TEC: variants seen among roughly 807,000 people sequenced by gnomAD.
TEC encodes the protein tec protein tyrosine kinase, also known as tyrosine-protein kinase Tec.
In TEC, 72 loss-of-function variants were observed where a neutral mutation model predicts 93.0. The observed-to-expected ratio is 0.77, with a 90% CI of 0.64 to 0.94. The LOEUF is 0.94. Among genes scored for constraint, TEC ranks in the 40% least tolerant of loss-of-function variants. TEC has a pLI of 0.00. For synonymous variants in TEC, 249 were observed against 247.7 expected (o/e 1.01, Z -0.05); for missense variants, 630 against 757.9 (o/e 0.83, Z 1.98).
At chr4:48,163,567 A>G (rs1447256279) in intron 8 of TEC, 135 bp downstream of exon 8, 1 of 599,418 alleles carries the variant, frequency 1.7e-6, no homozygotes, top group Non-Finnish European at 2.9e-6. Flanking sequence ...CACATCAGGC[A>G]ATTGAGTTAA....
chr4:48,194,285 A>G (rs919410025), intron 2 of TEC, among the ~76,000 whole-genome samples: 2 of 152,240 alleles, frequency 1.3e-5, no homozygotes, highest in African/African-American at 4.8e-5. Flanking sequence ...ATCTGATGTT[A>G]GTGGAGGGCA....
intron 11 of TEC, among the ~76,000 whole-genome samples, chr4:48,147,622 C>T (rs1331651285): frequency 1.3e-5 from 2 of 152,280 alleles, no homozygotes; most frequent in African/African-American, 2.4e-5. Context: ...TCTAATACAA[C>T]AGGTGGATGG....
intron 1 of TEC, among the ~76,000 whole-genome samples, chr4:48,242,379 G>A (rs959902413): frequency 5.3e-5 from 8 of 152,118 alleles, no homozygotes; most frequent in Non-Finnish European, 2.9e-5. Flanking sequence ...TTGGGTATTC[G>A]GTAAGTATTT....
chr4:48,248,215 T>C (rs1025472161), intron 1 of TEC, among the ~76,000 whole-genome samples: 2 of 152,208 alleles, frequency 1.3e-5, no homozygotes, highest in African/African-American at 4.8e-5. Context: ...TAATTAGTGG[T>C]GTACAAATAA....
chr4:48,177,891 C>A (rs12512837), intron 2 of TEC, among the ~76,000 whole-genome samples: 57,608 of 151,946 alleles, frequency 0.38, 11,944 homozygotes, highest in East Asian at 0.9. Context: ...CTCTTGCCTG[C>A]CGCCATGTAA....
At chr4:48,210,663 C>G (rs183529844) in intron 2 of TEC, among the ~76,000 whole-genome samples, 2 of 152,316 alleles carry the variant, frequency 1.3e-5, no homozygotes, top group Non-Finnish European at 1.5e-5. Context: ...CGACCCCCAA[C>G]AGAGTTCCAT....
chr4:48,209,574 A>G (rs1453127084), intron 2 of TEC, among the ~76,000 whole-genome samples: 1 of 152,118 alleles, frequency 6.6e-6, no homozygotes, highest in African/African-American at 2.4e-5. Context: ...GAACACACCA[A>G]TACACTCCAG....
At chr4:48,146,194 T>G (rs1719897921) in intron 12 of TEC, 131 bp downstream of exon 12, 2 of 734,816 alleles carry the variant, frequency 2.7e-6, no homozygotes, top group Non-Finnish European at 4.4e-6. Context: ...AGTATAATTA[T>G]CTAAAAACCT....
At chr4:48,151,580 G>GT (rs752505985) in intron 9 of TEC, among the ~76,000 whole-genome samples, 1 of 152,152 alleles carries the variant, frequency 6.6e-6, no homozygotes, top group Non-Finnish European at 1.5e-5. Context: ...TCCACTTCCT[G>GT]GGTTCAAGCA....
chr4:48,190,546 G>A (rs1164094412), intron 2 of TEC, among the ~76,000 whole-genome samples: 4 of 152,196 alleles, frequency 2.6e-5, no homozygotes, highest in East Asian at 1.9e-4. Flanking sequence ...TAGGAAATAA[G>A]TCATGGACAG....
At chr4:48,163,637 C>T (rs1720762150) in intron 8 of TEC, 65 bp downstream of exon 8, 2 of 1,070,464 alleles carry the variant, frequency 1.9e-6, no homozygotes, top group African/African-American at 1.6e-5. Context: ...TTCAAAATGC[C>T]TTACATAATT....
intron 5 of TEC, among the ~76,000 whole-genome samples, chr4:48,169,888 A>G (rs1308165501): frequency 2.0e-5 from 3 of 152,228 alleles, no homozygotes; most frequent in Admixed American, 6.5e-5. Context: ...GAACAGCCCT[A>G]ATCAGACTGT....
intron 1 of TEC, among the ~76,000 whole-genome samples, chr4:48,243,157 C>A (rs1723965580): frequency 6.6e-6 from 1 of 151,472 alleles, no homozygotes; most frequent in African/African-American, 2.4e-5. Context: ...AGCAATGGTT[C>A]TTTAAACATC....
chr4:48,137,348 A>C lies in TEC; in HGVS notation c.*68T>G. On this transcript the variant is annotated 3_prime_UTR_variant, in exon 18 of 18. Transcript: ENST00000381501. ...ATCTACATGTCCAAGTGCTCAATAA[A>C]TTAAAAGCCACAAAATGCCCATCCT... 2 of 1,317,928 alleles carry C rather than the reference A, an allele frequency of 1.5e-6. No individual in the cohort carries two copies. The highest frequency in any genetic ancestry group is 2.2e-6 in the Non-Finnish European group (2 of 922,672). The allele number at this position is 1,317,928 out of a possible 1,614,324, so 81.6% of individuals were successfully genotyped here.
At chr4:48,179,350 A>ATATATATATC (rs1721467486) in intron 2 of TEC, among the ~76,000 whole-genome samples, 1 of 27,306 alleles carries the variant, frequency 3.7e-5, no homozygotes, top group African/African-American at 1.7e-4. Flanking sequence ...ATATATATAT[A>ATATATATATC]TATATATATA....
Position 48,168,643 on chromosome 4 carries a change from C to G in TEC, c.455-17G>C. 6.3e-7 allele frequency: 1 copy of G among 1,598,156 alleles called. No homozygotes were observed. Among genetic ancestry groups the G allele is most frequent in the South Asian group, 1.1e-5 (1 of 87,264 alleles). On this transcript the variant is annotated splice_polypyrimidine_tract_variant and intron_variant, in intron 5 of 17. Transcript: ENST00000381501. ...TTCTTATACCTGAAAATGCCAACAACAAAAACAGATTAAAATGCTATCTAC... is the reference window on the plus strand; with the variant it reads ...TTCTTATACCTGAAAATGCCAACAAGAAAAACAGATTAAAATGCTATCTAC...
Position 48,150,858 on chromosome 4 carries a change from C to A in TEC, c.872+5G>T. 1 of 1,513,808 alleles carries A rather than the reference C, an allele frequency of 6.6e-7. No individual in the cohort carries two copies. Among genetic ancestry groups the A allele is most frequent in the African/African-American group, 1.4e-5 (1 of 71,356 alleles). 93.8% of individuals were successfully genotyped at this position (1,513,808 alleles called of 1,614,324 possible). ...ATTATAAAAAAAAATGGCAGGATTA[C>A]TCACCCTCCAAACTTGGTATAAAGG... On this transcript the variant is annotated splice_donor_5th_base_variant and intron_variant, in intron 10 of 17. Coordinates refer to ENST00000381501, the MANE Select transcript of TEC (RefSeq NM_003215.3).
At chr4:48,166,124 T>C (rs1321003424) in intron 7 of TEC, among the ~76,000 whole-genome samples, 1 of 152,126 alleles carries the variant, frequency 6.6e-6, no homozygotes, top group East Asian at 1.9e-4. Flanking sequence ...GCTGAAGGTG[T>C]GGCCATGATG....
Position 48,265,269 on chromosome 4 carries a change from T to A in TEC, c.-46+4483A>T, listed in dbSNP as rs116687435. Among the ~76,000 whole-genome samples the A allele has an allele frequency of 5.5e-3, 837 of 151,420 alleles. 7 individuals carry two copies. Among genetic ancestry groups the A allele is most frequent in the African/African-American group, 0.02 (813 of 41,296 alleles). Reference sequence around the variant, plus strand: ...TGATTTTAAATATTCATGATTACAGTCATGAAAAACTTATTTTTGGCCCAG... The same window carrying A: ...TGATTTTAAATATTCATGATTACAGACATGAAAAACTTATTTTTGGCCCAG... On this transcript the variant is annotated intron_variant, in intron 1 of 17. Transcript: ENST00000381501.
Sources: gnomAD v4.1 joint callset for allele counts (sites outside exome capture counted in the v4.1 genomes callset) on GRCh38, gnomAD v4.1.1 for gene constraint, MANE v1.5 for transcripts, NCBI Gene and HGNC (gene_info 2026-07-23, HGNC 2026-07-21) for gene names.